The following ALG12 variants were observed in gnomAD, a reference collection of about 807,000 sequenced individuals.
ALG12 encodes the protein ALG12 alpha-1,6-mannosyltransferase, also known as dol-P-Man:Man(7)GlcNAc(2)-PP-Dol alpha-1,6-mannosyltransferase.
ALG12 carries 36 observed loss-of-function variants against 46.0 expected under a neutral mutation model. That is an observed-to-expected ratio of 0.78 (90% CI 0.60 to 1.03). The LOEUF (loss-of-function observed/expected upper bound fraction) is 1.03. Ranked by LOEUF, ALG12 falls within the 50% of genes least tolerant of loss-of-function variation. The pLI is 0.00. For synonymous variants in ALG12, 326 were observed against 291.6 expected (o/e 1.12, Z -1.20); for missense variants, 599 against 633.5 (o/e 0.95, Z 0.58).
rs925884720 is a variant in ALG12 at position 49,906,566 on chromosome 22, T to C, written c.992+1155A>G. On this transcript the variant is annotated intron_variant, in intron 7 of 9. Coordinates refer to ENST00000330817, the MANE Select transcript of ALG12 (RefSeq NM_024105.4). The surrounding 1 kb of genome is among the most constrained non-coding windows in gnomAD (Gnocchi z 4.4). ...AGCTGGGGGGCACCATCCCCTCCCCTGTAACAAGTGGCACCGGAAAGCACC... is the reference window on the plus strand; with the variant it reads ...AGCTGGGGGGCACCATCCCCTCCCCCGTAACAAGTGGCACCGGAAAGCACC... Among the ~76,000 whole-genome samples, 2 of 152,072 alleles carry C rather than the reference T, an allele frequency of 1.3e-5. No homozygotes were observed. Among genetic ancestry groups the C allele is most frequent in the Non-Finnish European group, 2.9e-5 (2 of 67,990 alleles).
chr22:49,906,105 G>A lies in ALG12; in HGVS notation c.993-1599C>T, dbSNP rs1393680461. On this transcript the variant is annotated intron_variant, in intron 7 of 9. Coordinates refer to ENST00000330817, the MANE Select transcript of ALG12 (RefSeq NM_024105.4). This position sits in a 1 kb window ranked among gnomAD's most constrained non-coding sequence, Gnocchi z 4.4. Reference sequence around the variant, plus strand: ...GCACCCCCTCATTTGGACTCCCCAAGTTTGTCCTCCTCCGGATAAGGCCGA... The same window carrying A: ...GCACCCCCTCATTTGGACTCCCCAAATTTGTCCTCCTCCGGATAAGGCCGA... Among the ~76,000 whole-genome samples, 2 of 152,162 alleles carry A rather than the reference G, an allele frequency of 1.3e-5. No homozygotes were observed. Among genetic ancestry groups the A allele is most frequent in the African/African-American group, 2.4e-5 (1 of 41,442 alleles).
At chr22:49,896,837 C>T (rs1002403825), downstream of ALG12, among the ~76,000 whole-genome samples, 4 of 151,278 alleles carry the variant, frequency 2.6e-5, no homozygotes, top group Admixed American at 1.3e-4. Flanking sequence ...AGACGGGTTT[C>T]GCCATGTTTG....
At chr22:49,863,931 G>A in the ALG12 span, among the ~76,000 whole-genome samples, 3 of 152,296 alleles carry the variant, frequency 2.0e-5, no homozygotes, top group East Asian at 5.8e-4. Flanking sequence ...CTACAAGCTG[G>A]CTCCTGGATC....
the ALG12 span, among the ~76,000 whole-genome samples, chr22:49,890,418 C>G: frequency 6.6e-6 from 1 of 152,216 alleles, no homozygotes; most frequent in Non-Finnish European, 1.5e-5. Flanking sequence ...TAGTCCACCT[C>G]TAAAGAATTG....
chr22:49,910,466 C>T lies in ALG12; in HGVS notation c.437G>A (p.Arg146Gln), dbSNP rs121907932. 1.2e-4 allele frequency: 199 copies of T among 1,613,640 alleles called. No individual in the cohort carries two copies. Among genetic ancestry groups the T allele is most frequent in the Non-Finnish European group, 1.4e-4 (164 of 1,180,028 alleles). ...CAGGGCCAGCACATTGGGCAGTGTC[C>T]GCGTGCAGTAGAACATCAGGTGGAA... Reference protein sequence around the residue: ...MQFHLMFYCTRTLPNVLALPV... With the variant: ...MQFHLMFYCTQTLPNVLALPV... The change falls in exon 4 of 10, where the codon CGG becomes CAG. Residue 146 changes from arginine to glutamine, a missense_variant. By Grantham distance (43) the Arg-to-Gln change is conservative. Transcript: ENST00000330817.
chr22:49,911,985 GCGGGA>G (rs2060579401), intron 3 of ALG12, among the ~76,000 whole-genome samples: 8 of 151,408 alleles, frequency 5.3e-5, no homozygotes, highest in East Asian at 1.9e-4. Context: ...AGCCTCGGCT[GCGGGA>G]TCACCCTCGG....
the ALG12 span, among the ~76,000 whole-genome samples, chr22:49,894,554 G>C: frequency 1.3e-5 from 2 of 152,344 alleles, no homozygotes; most frequent in South Asian, 4.1e-4. Context: ...TCAGGCAGGA[G>C]GACTCATTAG....
chr22:49,877,258 A>T, the ALG12 span, among the ~76,000 whole-genome samples: 1 of 144,662 alleles, frequency 6.9e-6, no homozygotes, highest in Non-Finnish European at 1.5e-5. Context: ...AAACAGCTTT[A>T]TTATTTATTT....
chr22:49,912,516 C>T (rs2060584341), intron 3 of ALG12, among the ~76,000 whole-genome samples: 1 of 152,212 alleles, frequency 6.6e-6, no homozygotes, highest in Admixed American at 6.5e-5. Context: ...GCTTGTCCAG[C>T]TGTCCCCGTG....
At chr22:49,865,596 A>G in the ALG12 span, among the ~76,000 whole-genome samples, 1 of 152,100 alleles carries the variant, frequency 6.6e-6, no homozygotes, top group Non-Finnish European at 1.5e-5. Flanking sequence ...AATGGCTTAA[A>G]CCCGGGAGGC....
downstream of ALG12, among the ~76,000 whole-genome samples, chr22:49,898,493 G>A (rs1404293424): frequency 6.6e-6 from 1 of 151,344 alleles, no homozygotes; most frequent in Non-Finnish European, 1.5e-5. Flanking sequence ...AGGTTCAAGT[G>A]ACTCTCCTGC....
chr22:49,910,323 C>T lies in ALG12; in HGVS notation c.469+111G>A, dbSNP rs1249837285. 4 of 1,428,698 alleles carry T rather than the reference C, an allele frequency of 2.8e-6. No homozygotes were observed. The East Asian group carries it at 7.5e-5, about 27-fold the overall frequency. The allele number at this position is 1,428,698 out of a possible 1,614,324, so 88.5% of individuals were successfully genotyped here. A position where few individuals can be genotyped will look rare whatever the true frequency, so the allele number is the denominator to read the frequency against. On this transcript the variant is annotated intron_variant, in intron 4 of 9. Transcript: ENST00000330817. ...AGGTCACAGACCATCCTGAGGAACC[C>T]AGTGGGGAATGGCCATTACGGGGGA...
rs557435740 is a variant in ALG12, at chr22:49,900,302, A to G, written c.*3536T>C. ...CCAGGAGACAATTATGCTCATTACC[A>G]AAAAGCGAGGAGGAGGTACAGGAGG... On this transcript the variant is annotated 3_prime_UTR_variant, in exon 10 of 10. Coordinates refer to ENST00000330817, the MANE Select transcript of ALG12 (RefSeq NM_024105.4). 1.4e-4 allele frequency: 22 copies of G among 152,356 alleles called. No individual in the cohort carries two copies. Among genetic ancestry groups the G allele is most frequent in the African/African-American group, 5.1e-4 (21 of 41,580 alleles). 9.4% of individuals were successfully genotyped at this position (152,356 alleles called of 1,614,324 possible).
chr22:49,875,462 C>A, the ALG12 span, among the ~76,000 whole-genome samples: 14 of 148,968 alleles, frequency 9.4e-5, no homozygotes, highest in South Asian at 3.0e-3. Flanking sequence ...GCTCTGTCAC[C>A]CAGGCTGGAG....
In ALG12 at chr22:49,903,970, C is replaced by T. The variant is rs763935444; in HGVS notation, c.1335G>A (p.Arg445=). Residue 445 remains arginine (R), a synonymous_variant, in exon 10 of 10, where the codon AGG becomes AGA. Coordinates refer to ENST00000330817, the MANE Select transcript of ALG12 (RefSeq NM_024105.4). ...EAAPGLLALY[R]DTHRVLASVV... is the part of the protein sequence containing the mutation. ...CGCTGGCCAGGACCCGGTGTGTGTC[C>T]CTGTAGAGGGCCAGGAGCCCAGGGG... is the stretch of plus-strand genomic sequence containing the variant. 14 of 1,614,180 alleles carry T rather than the reference C, an allele frequency of 8.7e-6. No individual in the cohort carries two copies. The highest frequency in any genetic ancestry group is 3.3e-5 in the South Asian group (3 of 91,084).
At chr22:49,890,553 G>A in the ALG12 span, among the ~76,000 whole-genome samples, 1 of 152,194 alleles carries the variant, frequency 6.6e-6, no homozygotes, top group African/African-American at 2.4e-5. Flanking sequence ...AATCGGGACT[G>A]TAAGGTGGAT....
rs908622724 is a variant in ALG12 at position 49,910,046 on chromosome 22, C to T, written c.512G>A (p.Arg171His). Residue 171 changes from arginine to histidine, a missense_variant, in exon 5 of 10, where the codon CGC becomes CAC. Coordinates refer to ENST00000330817, the MANE Select transcript of ALG12 (RefSeq NM_024105.4). ...GGCGAAGGCTGACAGCCAGATGAAGCGGGCCCACTCGTGCCGCAGCCAGGC... is the reference window on the plus strand; with the variant it reads ...GGCGAAGGCTGACAGCCAGATGAAGTGGGCCCACTCGTGCCGCAGCCAGGC... ...LAAWLRHEWA[R>H]FIWLSAFAII... 7.4e-6 allele frequency: 12 copies of T among 1,612,612 alleles called. No homozygotes were observed. The highest frequency in any genetic ancestry group is 4.0e-5 in the African/African-American group (3 of 74,934).
At chr22:49,909,501 G>T (rs56810176) in intron 5 of ALG12, among the ~76,000 whole-genome samples, 154 bp from the exon 6 acceptor site, 1 of 152,084 alleles carries the variant, frequency 6.6e-6, no homozygotes, top group African/African-American at 2.4e-5. Flanking sequence ...AGGAGTTCAA[G>T]GTTGCAGTGG....
Position 49,904,507 on chromosome 22 carries a change from C to G in ALG12, c.993-1G>C. The G allele has an allele frequency of 6.2e-7, 1 of 1,614,082 alleles. No individual in the cohort carries two copies. On this transcript the variant is annotated splice_acceptor_variant, in intron 7 of 9. Coordinates refer to ENST00000330817, the MANE Select transcript of ALG12 (RefSeq NM_024105.4). LOFTEE classifies it high-confidence loss of function. ...CCAAGACTTTTTATAGTTATTCAGC[C>G]TGAAAAAAGAATGGTTACACATCAT...
Sources: allele counts gnomAD v4.1 joint callset (sites outside exome capture counted in the v4.1 genomes callset), GRCh38; gene constraint gnomAD v4.1.1; non-coding constraint Gnocchi (gnomAD v3.1); transcripts MANE v1.5; gene names NCBI Gene and HGNC (gene_info 2026-07-23, HGNC 2026-07-21).